RIMS1: variants seen among roughly 807,000 people sequenced by gnomAD.
RIMS1 encodes regulating synaptic membrane exocytosis 1.
In RIMS1, 83 loss-of-function variants were observed where a neutral mutation model predicts 214.1. The observed-to-expected ratio is 0.39, with a 90% CI of 0.32 to 0.47. The LOEUF is 0.47. RIMS1 is among the 20% of genes least tolerant of loss of function. The pLI, the probability that RIMS1 is intolerant of heterozygous loss-of-function variation, is 0.99. For missense variants in RIMS1, 2,050 were observed against 2,161.8 expected (o/e 0.95, Z 1.03); for synonymous variants, 793 against 786.8 (o/e 1.01, Z -0.13).
At chr6:71,951,498 G>GTT (rs1439238023) in intron 1 of RIMS1, among the ~76,000 whole-genome samples, 1 of 65,130 alleles carries the variant, frequency 1.5e-5, no homozygotes, top group African/African-American at 6.7e-5. Context: ...TTTTTTGTGT[G>GTT]TGTGTGTGTG....
chr6:71,967,353 A>G (rs1794740446), intron 1 of RIMS1, among the ~76,000 whole-genome samples: 1 of 152,044 alleles, frequency 6.6e-6, no homozygotes, highest in Non-Finnish European at 1.5e-5. Context: ...GCACCACTGC[A>G]CTCCATCCTG....
chr6:72,384,940 G>C (rs1055722818), intron 29 of RIMS1, among the ~76,000 whole-genome samples: 3 of 152,108 alleles, frequency 2.0e-5, no homozygotes, highest in African/African-American at 7.2e-5. Context: ...CTCTAAATAA[G>C]CAAAGAGAGA....
At chr6:72,245,035 A>G (rs968258037) in intron 10 of RIMS1, among the ~76,000 whole-genome samples, 3 of 151,994 alleles carry the variant, frequency 2.0e-5, no homozygotes, top group Non-Finnish European at 4.4e-5. Flanking sequence ...AGTCCTATGC[A>G]GTATAATACC....
chr6:72,150,951 A>G (rs531931215), intron 4 of RIMS1, among the ~76,000 whole-genome samples: 1 of 152,184 alleles, frequency 6.6e-6, no homozygotes, highest in Non-Finnish European at 1.5e-5. Flanking sequence ...GTTTAGATGG[A>G]CCATGGTGAC....
intron 29 of RIMS1, among the ~76,000 whole-genome samples, chr6:72,336,956 T>G (rs1283475829): frequency 6.6e-6 from 1 of 151,816 alleles, no homozygotes; most frequent in African/African-American, 2.4e-5. Context: ...CCATGAGATC[T>G]GTATTTCTGG....
chr6:72,187,164 A>T (rs1429270448), intron 6 of RIMS1, among the ~76,000 whole-genome samples: 5 of 151,938 alleles, frequency 3.3e-5, no homozygotes, highest in African/African-American at 4.8e-5. Context: ...GGAAGAAAGG[A>T]GGGAAGGAAG....
chr6:71,899,887 T>C, intron 1 of RIMS1, among the ~76,000 whole-genome samples: 1 of 152,108 alleles, frequency 6.6e-6, no homozygotes, highest in East Asian at 1.9e-4. Context: ...AAATGAATGA[T>C]CCACATTCAT....
chr6:72,009,318 T>C (rs992319710), intron 2 of RIMS1, among the ~76,000 whole-genome samples: 2 of 152,098 alleles, frequency 1.3e-5, no homozygotes, highest in Admixed American at 6.6e-5. Flanking sequence ...GGGACACATT[T>C]AAAGCAGTGT....
intron 4 of RIMS1, among the ~76,000 whole-genome samples, chr6:72,163,858 A>C (rs1054493221): frequency 6.6e-6 from 1 of 152,026 alleles, no homozygotes; most frequent in Admixed American, 6.6e-5. Context: ...TTGAGGATGC[A>C]GTCTGTCCGT....
chr6:72,071,054 C>T (rs999773447), intron 2 of RIMS1, among the ~76,000 whole-genome samples: 2 of 152,092 alleles, frequency 1.3e-5, no homozygotes, highest in African/African-American at 4.8e-5. Context: ...AAAAAGTTTG[C>T]CTATGGTGAT....
At chr6:71,981,535 CTT>C (rs1225801899) in intron 2 of RIMS1, among the ~76,000 whole-genome samples, 5 of 152,084 alleles carry the variant, frequency 3.3e-5, no homozygotes, top group Non-Finnish European at 2.9e-5. Context: ...AGGTCACACT[CTT>C]TGTGGTATTC....
chr6:72,276,003 AGGAG>A (rs2086219144), intron 23 of RIMS1, among the ~76,000 whole-genome samples: 1 of 151,900 alleles, frequency 6.6e-6, no homozygotes, highest in South Asian at 2.1e-4. Flanking sequence ...ACTTGAGCCC[AGGAG>A]TTTGAGATCA....
intron 22 of RIMS1, among the ~76,000 whole-genome samples, chr6:72,269,248 C>A (rs1489519539): frequency 6.6e-6 from 1 of 152,154 alleles, no homozygotes; most frequent in Non-Finnish European, 1.5e-5. Flanking sequence ...ACATTACCCA[C>A]CCTGTCACTT....
At chr6:72,213,804 C>G (rs1361000685) in intron 6 of RIMS1, among the ~76,000 whole-genome samples, 1 of 152,106 alleles carries the variant, frequency 6.6e-6, no homozygotes, top group Non-Finnish European at 1.5e-5. Flanking sequence ...ATATATGAAG[C>G]AAGCTCAAAA....
chr6:72,132,188 G>A (rs1471831216), intron 4 of RIMS1, among the ~76,000 whole-genome samples: 1 of 152,156 alleles, frequency 6.6e-6, no homozygotes, highest in Admixed American at 6.6e-5. Context: ...GTAAAGACAG[G>A]CATAGGAAAT....
At chr6:72,279,614 A>G (rs1227927737) in intron 23 of RIMS1, among the ~76,000 whole-genome samples, 3 of 152,072 alleles carry the variant, frequency 2.0e-5, no homozygotes, top group Non-Finnish European at 2.9e-5. Flanking sequence ...TTTAAACTAA[A>G]AATAAGACAT....
chr6:72,088,394 GCCTGCCACCACAC>G (rs1835264878), intron 2 of RIMS1, among the ~76,000 whole-genome samples: 1 of 151,750 alleles, frequency 6.6e-6, no homozygotes, highest in African/African-American at 2.4e-5. Context: ...GATTACAGGC[GCCTGCCACCACAC>G]CCAGCTAATT....
chr6:72,120,224 A>C (rs1057297109), intron 4 of RIMS1, among the ~76,000 whole-genome samples: 1 of 151,844 alleles, frequency 6.6e-6, no homozygotes, highest in African/African-American at 2.4e-5. Context: ...CTGAAGAATC[A>C]CCACACTGTC....
chr6:72,206,914 T>C (rs2056757), intron 6 of RIMS1, among the ~76,000 whole-genome samples: 108,211 of 152,158 alleles, frequency 0.71, 38,834 homozygotes, highest in East Asian at 0.84. Context: ...AAGATTCCAG[T>C]TCTGCATTTA....
Sources: allele counts gnomAD v4.1 joint callset (sites outside exome capture counted in the v4.1 genomes callset), GRCh38; gene constraint gnomAD v4.1.1; transcripts MANE v1.5; gene names NCBI Gene and HGNC (gene_info 2026-07-23, HGNC 2026-07-21).